The following KIAA1671 variants were observed in gnomAD, a reference collection of about 807,000 sequenced individuals.
The protein encoded by KIAA1671 is KIAA1671, also known as uncharacterized protein KIAA1671.
In KIAA1671, 52 loss-of-function variants were observed where a neutral mutation model predicts 131.2. The ratio of observed to expected loss-of-function variants is 0.40; its 90% CI spans 0.32 to 0.50. The LOEUF (loss-of-function observed/expected upper bound fraction) is 0.50, where lower values mean the gene tolerates loss of function less well. Among genes scored for constraint, KIAA1671 ranks in the 20% least tolerant of loss-of-function variants. KIAA1671 has a pLI of 0.73. For missense variants in KIAA1671, 2,360 were observed against 2,364.2 expected (o/e 1.00, Z 0.04); for synonymous variants, 1,003 against 961.6 (o/e 1.04, Z -0.80).
chr22:25,171,745 G>C (rs1164059161), intron 7 of KIAA1671, among the ~76,000 whole-genome samples: 1 of 151,912 alleles, frequency 6.6e-6, no homozygotes, highest in Admixed American at 6.6e-5. Flanking sequence ...TAATAATAAT[G>C]ATATATGAAA....
At chr22:24,966,426 C>G (rs1419277821) in intron 1 of KIAA1671, among the ~76,000 whole-genome samples, 1 of 152,180 alleles carries the variant, frequency 6.6e-6, no homozygotes, top group Non-Finnish European at 1.5e-5. Context: ...CAGGCACTGC[C>G]CGCTCAGCCT....
At chr22:25,105,917 T>G (rs2076123) in intron 6 of KIAA1671, among the ~76,000 whole-genome samples, 1 of 151,732 alleles carries the variant, frequency 6.6e-6, no homozygotes, top group African/African-American at 2.4e-5. Context: ...CAGTAAAATG[T>G]GAGTGATAAC....
chr22:25,076,401 G>A (rs2145857489), intron 6 of KIAA1671, among the ~76,000 whole-genome samples: 1 of 152,250 alleles, frequency 6.6e-6, no homozygotes, highest in East Asian at 1.9e-4. Flanking sequence ...AGCGTGGGCT[G>A]CAACAGGTTT....
intron 1 of KIAA1671, among the ~76,000 whole-genome samples, chr22:25,018,306 G>GC (rs200171284): frequency 0.028 from 4,259 of 152,052 alleles, 102 homozygotes; most frequent in Middle Eastern, 0.048. Flanking sequence ...AAGGGCATGG[G>GC]CCCCCCGACG....
In KIAA1671 at chr22:25,116,865, A is replaced by G. The variant is rs185594537; in HGVS notation, c.4531-53955A>G. Among the ~76,000 whole-genome samples, 12 of 152,348 alleles carry G rather than the reference A, an allele frequency of 7.9e-5. No homozygotes were observed. The East Asian group carries it at 1.7e-3, about 22-fold the overall frequency. ...ACACATCAGAATGTAAATATGTCATATATGTGCTGAAAATGAGAGAACTAT... is the reference window on the plus strand; with the variant it reads ...ACACATCAGAATGTAAATATGTCATGTATGTGCTGAAAATGAGAGAACTAT... On this transcript the variant is annotated intron_variant, in intron 6 of 12. Transcript: ENST00000358431.
intron 6 of KIAA1671, among the ~76,000 whole-genome samples, chr22:25,103,585 C>G (rs1001025432): frequency 2.0e-5 from 3 of 152,160 alleles, no homozygotes; most frequent in Non-Finnish European, 4.4e-5. Context: ...GTCTCTATCT[C>G]CTGACCTCGT....
chr22:25,173,980 C>T (rs1933935128), intron 7 of KIAA1671, among the ~76,000 whole-genome samples: 1 of 152,166 alleles, frequency 6.6e-6, no homozygotes, highest in South Asian at 2.1e-4. Flanking sequence ...AGCGCAGGGC[C>T]AAAGGATCTT....
intron 1 of KIAA1671, among the ~76,000 whole-genome samples, chr22:24,975,312 TTTTTTTTTTTTCAG>T (rs1922856572): frequency 6.7e-6 from 1 of 149,246 alleles, no homozygotes; most frequent in African/African-American, 2.5e-5. Context: ...CAGTGATTCT[TTTTTTTTTTTTCAG>T]TTTTTTTTTC....
chr22:25,156,353 G>A (rs553466061), intron 6 of KIAA1671, among the ~76,000 whole-genome samples: 19 of 151,806 alleles, frequency 1.3e-4, no homozygotes, highest in African/African-American at 4.1e-4. Context: ...ATATGTAATT[G>A]TGTGCATATA....
intron 1 of KIAA1671, among the ~76,000 whole-genome samples, chr22:24,981,070 G>GTGTA (rs146040978): frequency 2.0e-5 from 3 of 151,264 alleles, no homozygotes; most frequent in African/African-American, 7.3e-5. Flanking sequence ...TTCTGTGTGT[G>GTGTA]TGTGTGTGTG....
chr22:25,039,379 C>T lies in KIAA1671; in HGVS notation c.2249C>T (p.Pro750Leu), dbSNP rs1208485387. The T allele has an allele frequency of 2.7e-5, 42 of 1,551,808 alleles. No individual in the cohort carries two copies. Among genetic ancestry groups the T allele is most frequent in the Middle Eastern group, 3.3e-4 (2 of 5,992 alleles). Reference sequence around the variant, plus strand: ...CGTGTGCACAGCGAGGCCATCTCACCGGCACCGGAGGAGAAAGCGGTCACG... The same window carrying T: ...CGTGTGCACAGCGAGGCCATCTCACTGGCACCGGAGGAGAAAGCGGTCACG... ...GERVHSEAIS[P>L]APEEKAVTLR... Residue 750 changes from proline (P) to leucine (L), a missense_variant, in exon 5 of 13, where the codon CCG (proline) becomes CTG (leucine). Pro to Leu is a moderately conservative substitution (Grantham distance 98, BLOSUM62 -3). Transcript: ENST00000358431.
intron 1 of KIAA1671, among the ~76,000 whole-genome samples, chr22:25,004,682 C>G (rs972468440): frequency 6.7e-6 from 1 of 149,412 alleles, no homozygotes; most frequent in Non-Finnish European, 1.5e-5. Context: ...CGCGGTGACT[C>G]ACGCCTGTAA....
At chr22:25,106,094 A>G (rs1470922854) in intron 6 of KIAA1671, among the ~76,000 whole-genome samples, 1 of 152,162 alleles carries the variant, frequency 6.6e-6, no homozygotes, top group East Asian at 1.9e-4. Context: ...GACTGACATG[A>G]GGATTCTGGT....
In KIAA1671 at chr22:25,195,800, C is replaced by T. The variant is rs1934807555; in HGVS notation, c.*3399C>T. 1 of 151,766 alleles carries T rather than the reference C, an allele frequency of 6.6e-6. No homozygotes were observed. 9.4% of individuals were successfully genotyped at this position (151,766 alleles called of 1,614,324 possible). ...TCGTAATTGCAAACTGTAAAAATCCCTCCTCCCCAGTGTAGATATTTAAAC... is the reference window on the plus strand; with the variant it reads ...TCGTAATTGCAAACTGTAAAAATCCTTCCTCCCCAGTGTAGATATTTAAAC... On this transcript the variant is annotated 3_prime_UTR_variant, in exon 13 of 13. Transcript: ENST00000358431.
At chr22:24,990,510 C>T (rs1182965635) in intron 1 of KIAA1671, among the ~76,000 whole-genome samples, 2 of 152,252 alleles carry the variant, frequency 1.3e-5, no homozygotes, top group Admixed American at 6.5e-5. Context: ...ACCATGCACA[C>T]ACCATGCTCA....
intron 1 of KIAA1671, among the ~76,000 whole-genome samples, chr22:24,963,565 G>A (rs1922128348): frequency 1.3e-5 from 2 of 152,040 alleles, no homozygotes; most frequent in East Asian, 1.9e-4. Flanking sequence ...GTTCAGATGG[G>A]CCACTGTGTC....
intron 6 of KIAA1671, among the ~76,000 whole-genome samples, chr22:25,156,295 G>T (rs1933240139): frequency 6.6e-6 from 1 of 151,860 alleles, no homozygotes; most frequent in African/African-American, 2.4e-5. Flanking sequence ...AAAGTGCTGG[G>T]ATTACAGGCA....
In KIAA1671 at chr22:25,158,020, ACT is replaced by A. The variant is rs1259181652; in HGVS notation, c.4531-12799_4531-12798del. 2.6e-5 allele frequency among the ~76,000 whole-genome samples: 4 copies of A among 152,090 alleles called. No homozygotes were observed. In the East Asian group the frequency reaches 7.8e-4, roughly 29 times the overall value. On this transcript the variant is annotated intron_variant, in intron 6 of 12. Transcript: ENST00000358431. ...GTATTTTTACTAGAGATGGGGTTTC[ACT>A]GTGTCAGGCAGGATGGTCTTGATCT...
At chr22:25,179,399 G>C in intron 9 of KIAA1671, 1 of 1,610,986 alleles carries the variant, frequency 6.2e-7, no homozygotes, top group Non-Finnish European at 8.5e-7. Context: ...GTGCGGCCAG[G>C]TGCGCCTCGC....
Sources: allele counts gnomAD v4.1 joint callset (sites outside exome capture counted in the v4.1 genomes callset), GRCh38; gene constraint gnomAD v4.1.1; transcripts MANE v1.5; gene names NCBI Gene and HGNC (gene_info 2026-07-23, HGNC 2026-07-21).